The following SLC17A1 variants were observed in gnomAD, a reference collection of about 807,000 sequenced individuals.
The protein encoded by SLC17A1 is solute carrier family 17 member 1.
A neutral mutation model predicts 53.5 loss-of-function variants in SLC17A1; 51 were observed. That is an observed-to-expected ratio of 0.95 (90% CI 0.76 to 1.20). The LOEUF (loss-of-function observed/expected upper bound fraction) is 1.20, where lower values mean the gene tolerates loss of function less well. Among genes scored for constraint, SLC17A1 ranks in the 50% most tolerant of loss-of-function variants. SLC17A1 has a pLI of 0.00. For synonymous variants in SLC17A1, 179 were observed against 198.8 expected, an observed-to-expected ratio of 0.90 and a Z score of 0.84; for missense variants, 538 against 568.2, an observed-to-expected ratio of 0.95 and a Z score of 0.54.
intron 3 of SLC17A1, 25 bp from the exon 4 acceptor site, chr6:25,819,940 G>T (rs768011879): frequency 3.4e-6 from 5 of 1,454,862 alleles, no homozygotes; most frequent in Admixed American, 3.6e-5. Context: ...GGGACATGTC[G>T]AATCACTCTG....
the SLC17A1 span, among the ~76,000 whole-genome samples, chr6:25,758,536 G>A: frequency 1.3e-5 from 2 of 152,160 alleles, no homozygotes; most frequent in Middle Eastern, 3.4e-3. Flanking sequence ...TATATTTCCA[G>A]GAATTTATCC....
At chr6:25,743,751 C>A in the SLC17A1 span, among the ~76,000 whole-genome samples, 18,125 of 152,104 alleles carry the variant, frequency 0.12, 1,140 homozygotes, top group Middle Eastern at 0.21. Flanking sequence ...CTGCTCCTGG[C>A]CTGGGAAAAT....
intron 10 of SLC17A1, among the ~76,000 whole-genome samples, chr6:25,801,825 G>A (rs1763771107): frequency 6.6e-6 from 1 of 152,160 alleles, no homozygotes; most frequent in South Asian, 2.1e-4. Flanking sequence ...TGTTCATAGA[G>A]GAGTCACATC....
the SLC17A1 span, chr6:25,776,677 C>A: frequency 1.9e-6 from 3 of 1,613,866 alleles, no homozygotes; most frequent in South Asian, 1.1e-5. Context: ...TTTCTTCTCT[C>A]CAGAAAAATC....
chr6:25,767,966 G>A, the SLC17A1 span, among the ~76,000 whole-genome samples: 2 of 152,146 alleles, frequency 1.3e-5, no homozygotes, highest in African/African-American at 4.8e-5. Flanking sequence ...GGCCTTAACT[G>A]AAGATAACTA....
At chr6:25,815,392 T>A (rs1220619637) in intron 6 of SLC17A1, among the ~76,000 whole-genome samples, 2 of 152,026 alleles carry the variant, frequency 1.3e-5, no homozygotes, top group East Asian at 3.9e-4. Context: ...AAAAAAAAGT[T>A]ACAACCTGAC....
At chr6:25,800,061 C>T (rs1408883972) in intron 11 of SLC17A1, among the ~76,000 whole-genome samples, 1 of 152,168 alleles carries the variant, frequency 6.6e-6, no homozygotes, top group African/African-American at 2.4e-5. Context: ...GAATTATCTA[C>T]ACACTACCAT....
chr6:25,814,881 G>C lies in SLC17A1; in HGVS notation c.617-1668C>G, dbSNP rs181312063. On this transcript the variant is annotated intron_variant, in intron 6 of 12. Transcript: ENST00000244527. ...TGCCCCTGTAATCCCAGCTACTCAG[G>C]GGGTTGCGGCAGGAGAATCGCTTAA... 8.4e-4 allele frequency among the ~76,000 whole-genome samples: 128 copies of C among 152,060 alleles called. No homozygotes were observed. In the East Asian group the frequency reaches 0.014, roughly 17 times the overall value.
At position 25,798,935 on chromosome 6, in the gene SLC17A1, T is replaced by A; in HGVS notation, c.1270-16A>T. ...ATTCCGGATCCTAAGGAATTAAAAT[T>A]CAAAGTAATTGTAAATTATTGCTCT... On this transcript the variant is annotated splice_polypyrimidine_tract_variant and intron_variant, in intron 11 of 12. Coordinates refer to ENST00000244527, the MANE Select transcript of SLC17A1 (RefSeq NM_005074.5). 1.3e-6 allele frequency: 2 copies of A among 1,534,090 alleles called. No homozygotes were observed. The highest frequency in any genetic ancestry group is 1.8e-6 in the Non-Finnish European group (2 of 1,128,594).
At chr6:25,792,459 C>T (rs1416930382) in intron 12 of SLC17A1, among the ~76,000 whole-genome samples, 2 of 146,960 alleles carry the variant, frequency 1.4e-5, no homozygotes. Context: ...CATATTTGGG[C>T]TATACATTTG....
chr6:25,767,953 G>T, the SLC17A1 span, among the ~76,000 whole-genome samples: 1 of 152,154 alleles, frequency 6.6e-6, no homozygotes, highest in Non-Finnish European at 1.5e-5. Context: ...CAAAATTTGT[G>T]AAGGCCTTAA....
intron 12 of SLC17A1, among the ~76,000 whole-genome samples, chr6:25,788,735 G>T (rs1040713237): frequency 5.3e-5 from 8 of 152,172 alleles, no homozygotes; most frequent in African/African-American, 1.9e-4. Context: ...GCATCCACAA[G>T]GGGGCATCAG....
rs1763761656 is a variant in SLC17A1 at position 25,801,558 on chromosome 6, T to G, written c.1179-578A>C. Among the ~76,000 whole-genome samples, 6 of 152,214 alleles carry G rather than the reference T, an allele frequency of 3.9e-5. No individual in the cohort carries two copies. The East Asian group carries it at 1.2e-3, about 29-fold the overall frequency. On this transcript the variant is annotated intron_variant, in intron 10 of 12. Transcript: ENST00000244527. The stretch of plus-strand genomic sequence containing the variant: ...TCAGCCATGAAGAGCAAGGTGGTGC[T>G]GTTTGGAGAGCAGAATCAGTGTCTA...
chr6:25,771,050 AG>A, the SLC17A1 span: 5 of 1,520,130 alleles, frequency 3.3e-6, no homozygotes, highest in Non-Finnish European at 4.6e-6. Context: ...TTTATGACAG[AG>A]ACTTCTGTGA....
the SLC17A1 span, chr6:25,731,947 G>A: frequency 1.9e-6 from 3 of 1,598,820 alleles, no homozygotes; most frequent in Non-Finnish European, 2.6e-6. Context: ...CAGGCAATGC[G>A]CTCAAAAATG....
the SLC17A1 span, among the ~76,000 whole-genome samples, chr6:25,765,738 A>G: frequency 6.6e-6 from 1 of 152,236 alleles, no homozygotes; most frequent in African/African-American, 2.4e-5. Context: ...AGATTGTGTA[A>G]TAAAAAATGA....
intron 12 of SLC17A1, among the ~76,000 whole-genome samples, chr6:25,789,272 G>A (rs1011903059): frequency 2.0e-5 from 3 of 152,124 alleles, no homozygotes; most frequent in African/African-American, 7.2e-5. Context: ...GGCCAAAATT[G>A]AGACAAATTG....
chr6:25,770,858 T>C, the SLC17A1 span: 2 of 1,227,370 alleles, frequency 1.6e-6, no homozygotes, highest in East Asian at 2.3e-5. Context: ...CAACTCAGCA[T>C]TGTAGAAAGC....
downstream of SLC17A1, chr6:25,780,719 G>C (rs1306990914): frequency 6.6e-6 from 1 of 152,206 alleles, no homozygotes; most frequent in Non-Finnish European, 1.5e-5. Flanking sequence ...TGGAGTAGGA[G>C]CTTACAGTGT....
Sources: allele counts gnomAD v4.1 joint callset (sites outside exome capture counted in the v4.1 genomes callset), GRCh38; gene constraint gnomAD v4.1.1; transcripts MANE v1.5; gene names NCBI Gene and HGNC (gene_info 2026-07-23, HGNC 2026-07-21).